Variants in ZNF536 observed in about 807,000 individuals in gnomAD.
ZNF536 encodes zinc finger protein 536.
In ZNF536, 13 loss-of-function variants were observed where a neutral mutation model predicts 84.5. The observed-to-expected ratio is 0.15, with a 90% confidence interval of 0.10 to 0.24. ZNF536 has a LOEUF of 0.24. Among genes scored for constraint, ZNF536 ranks in the 10% least tolerant of loss-of-function variants. ZNF536 has a pLI of 1.00. For synonymous variants in ZNF536, 811 were observed against 742.5 expected, an observed-to-expected ratio of 1.09 and a Z score of -1.50; for missense variants, 1,536 against 1,747.5, an observed-to-expected ratio of 0.88 and a Z score of 2.16.
intron 4 of ZNF536, among the ~76,000 whole-genome samples, chr19:30,553,056 T>C (rs925799303): frequency 1.3e-5 from 2 of 152,142 alleles, no homozygotes; most frequent in Admixed American, 6.5e-5. Context: ...GGGTCACATG[T>C]CTTTATTCTG....
chr19:30,259,535 A>G (rs983378172), intron 1 of ZNF536, among the ~76,000 whole-genome samples: 2 of 151,972 alleles, frequency 1.3e-5, no homozygotes, highest in East Asian at 3.9e-4. Flanking sequence ...CCTCTAGGTG[A>G]CTCTGATGCG....
intron 2 of ZNF536, among the ~76,000 whole-genome samples, chr19:30,494,789 T>C (rs2054647679): frequency 6.6e-6 from 1 of 151,706 alleles, no homozygotes; most frequent in Non-Finnish European, 1.5e-5. Context: ...CTACTAAAAA[T>C]ACAAAAATCA....
chr19:30,504,424 C>G (rs1282419655), intron 2 of ZNF536, among the ~76,000 whole-genome samples: 2 of 62,596 alleles, frequency 3.2e-5, no homozygotes, highest in African/African-American at 1.8e-4. Context: ...TCCCTCTTTC[C>G]TTCCTTCCTT....
intron 2 of ZNF536, among the ~76,000 whole-genome samples, chr19:30,530,317 T>C (rs928770828): frequency 6.9e-6 from 1 of 145,342 alleles, no homozygotes; most frequent in Non-Finnish European, 1.5e-5. Flanking sequence ...TTGTAATACC[T>C]CTCTCTCTGT....
intron 2 of ZNF536, among the ~76,000 whole-genome samples, chr19:30,487,607 A>G (rs888364282): frequency 6.6e-6 from 1 of 152,192 alleles, no homozygotes; most frequent in Non-Finnish European, 1.5e-5. Flanking sequence ...TTACTTCCAT[A>G]AAATTTTTTA....
chr19:30,526,686 T>G (rs1407427469), intron 2 of ZNF536, among the ~76,000 whole-genome samples: 1 of 104,966 alleles, frequency 9.5e-6, no homozygotes, highest in African/African-American at 3.2e-5. Context: ...ATTGCGCCAC[T>G]GCACTCCAGC....
At chr19:30,324,804 C>T (rs551063312) in intron 2 of ZNF536, among the ~76,000 whole-genome samples, 4 of 152,172 alleles carry the variant, frequency 2.6e-5, no homozygotes, top group Non-Finnish European at 4.4e-5. Context: ...AAGTCAGAGC[C>T]GATCTCCCCT....
intron 1 of ZNF536, among the ~76,000 whole-genome samples, chr19:30,709,138 C>T (rs945784008): frequency 2.0e-5 from 3 of 152,230 alleles, no homozygotes; most frequent in South Asian, 2.1e-4. Context: ...ATGGCTGTGA[C>T]GCATCAGGGT....
At chr19:30,580,719 G>C (rs541600537) in intron 1 of ZNF536, among the ~76,000 whole-genome samples, 1 of 152,138 alleles carries the variant, frequency 6.6e-6, no homozygotes, top group South Asian at 2.1e-4. Flanking sequence ...ATAGGGTCTC[G>C]AGGAAATTCC....
At chr19:30,305,125 C>T (rs2046305002) in intron 2 of ZNF536, among the ~76,000 whole-genome samples, 1 of 152,174 alleles carries the variant, frequency 6.6e-6, no homozygotes, top group Non-Finnish European at 1.5e-5. Flanking sequence ...CCTGAGGCTG[C>T]ATTTTCTCTT....
At chr19:30,674,001 T>C (rs963793791) in intron 1 of ZNF536, among the ~76,000 whole-genome samples, 8 of 152,188 alleles carry the variant, frequency 5.3e-5, no homozygotes, top group Admixed American at 5.2e-4. Context: ...TAATTCCCCA[T>C]TTGAATCCTT....
In ZNF536 at chr19:30,706,210, C is replaced by T. The variant is rs112544505; in HGVS notation, c.170-4547C>T. On this transcript the variant is annotated intron_variant, in intron 1 of 1. Transcript: ENST00000592773. The stretch of plus-strand genomic sequence containing the variant: ...AAAGTACAATAGACAGTTGGCTGGG[C>T]GCGGTGGCTCACGCCTGTAATCCCA... 8.7e-3 allele frequency among the ~76,000 whole-genome samples: 1,323 copies of T among 152,240 alleles called. 12 individuals carry two copies. The highest frequency in any genetic ancestry group is 0.013 in the Non-Finnish European group (877 of 68,020).
chr19:30,439,482 T>G (rs1307024462), intron 1 of ZNF536, among the ~76,000 whole-genome samples: 1 of 152,120 alleles, frequency 6.6e-6, no homozygotes, highest in Non-Finnish European at 1.5e-5. Context: ...CCTCGGCTGT[T>G]TTGGCGCAGA....
chr19:30,514,016 C>T (rs1392880454), intron 2 of ZNF536, among the ~76,000 whole-genome samples: 1 of 152,160 alleles, frequency 6.6e-6, no homozygotes. Context: ...TGTGGGGGAG[C>T]AATGCACCAG....
intron 1 of ZNF536, among the ~76,000 whole-genome samples, chr19:30,402,193 A>G (rs537781814): frequency 2.9e-4 from 44 of 152,204 alleles, no homozygotes; most frequent in African/African-American, 1.0e-3. Flanking sequence ...TTCTTTAATT[A>G]GCTGCACAAC....
chr19:30,254,472 A>G (rs1461667921), intron 1 of ZNF536, among the ~76,000 whole-genome samples: 1 of 150,472 alleles, frequency 6.6e-6, no homozygotes, highest in Non-Finnish European at 1.5e-5. Context: ...AGCCCGCCTT[A>G]TTGTTCAAGT....
intron 2 of ZNF536, among the ~76,000 whole-genome samples, chr19:30,509,219 C>G (rs184747220): frequency 6.9e-6 from 1 of 145,090 alleles, no homozygotes; most frequent in Non-Finnish European, 1.5e-5. Context: ...ACTTGCAAAT[C>G]GAGTTATATA....
chr19:30,329,463 C>CATATTTTTCT (rs2047139993), intron 2 of ZNF536, among the ~76,000 whole-genome samples: 1 of 152,150 alleles, frequency 6.6e-6, no homozygotes, highest in Admixed American at 6.5e-5. Context: ...CTGCTTAGAG[C>CATATTTTTCT]TAGAACCTTC....
At chr19:30,285,217 A>C (rs2045585547) in intron 2 of ZNF536, among the ~76,000 whole-genome samples, 2 of 152,214 alleles carry the variant, frequency 1.3e-5, no homozygotes, top group Admixed American at 1.3e-4. Context: ...TTTTTGTTGA[A>C]AGACAGGATT....
Sources: allele counts gnomAD v4.1 joint callset (sites outside exome capture counted in the v4.1 genomes callset), GRCh38; gene constraint gnomAD v4.1.1; transcripts MANE v1.5; gene names NCBI Gene and HGNC (gene_info 2026-07-23, HGNC 2026-07-21).